SLC38A1: variants seen among roughly 807,000 people sequenced by gnomAD.
SLC38A1 encodes solute carrier family 38 member 1.
A neutral mutation model predicts 60.3 loss-of-function variants in SLC38A1; 18 were observed. The ratio of observed to expected loss-of-function variants is 0.30; its 90% CI spans 0.21 to 0.44. SLC38A1 has a LOEUF of 0.44. SLC38A1 is among the 20% of genes least tolerant of loss of function. The pLI is 1.00. For synonymous variants in SLC38A1, 196 were observed against 212.1 expected, an observed-to-expected ratio of 0.92 and a Z score of 0.66; for missense variants, 448 against 587.2, an observed-to-expected ratio of 0.76 and a Z score of 2.45.
rs370645948 is a variant in SLC38A1, at chr12:46,201,164, T to C, written c.937A>G (p.Ile313Val). The C allele has an allele frequency of 6.2e-7, 1 of 1,613,506 alleles. No individual in the cohort carries two copies. The highest frequency in any genetic ancestry group is 8.5e-7 in the Non-Finnish European group (1 of 1,179,730). The change falls in exon 13 of 17, where the codon ATC becomes GTC. Residue 313 changes from isoleucine to valine, a missense_variant. Around this residue, in one of 2 missense-constraint regions of SLC38A1, gnomAD observed 346 missense variants for 497.5 expected, o/e 0.70. Transcript: ENST00000398637. ...SQKKMQMVSN[I>V]SFFAMFVMYF... ...ATAACAAACATGGCGAAAAAGGAGA[T>C]GTTTGAAACCATCTGCATTTTTTTC...
At chr12:46,244,064 A>G (rs764632266) in intron 1 of SLC38A1, among the ~76,000 whole-genome samples, 8 of 152,210 alleles carry the variant, frequency 5.3e-5, no homozygotes, top group Non-Finnish European at 1.0e-4. Context: ...AAACAATTGC[A>G]TGATATAGAC....
intron 16 of SLC38A1, among the ~76,000 whole-genome samples, chr12:46,191,397 G>T (rs1939139690): frequency 6.6e-6 from 1 of 152,094 alleles, no homozygotes; most frequent in African/African-American, 2.4e-5. Flanking sequence ...TTTTGCATAG[G>T]ATTGTCTTGA....
chr12:46,217,975 T>G (rs923817586), intron 5 of SLC38A1, among the ~76,000 whole-genome samples: 3 of 152,338 alleles, frequency 2.0e-5, no homozygotes. Context: ...TAAATATGCA[T>G]TGCTGATGGC....
chr12:46,203,141 G>A (rs1939736734), intron 11 of SLC38A1, 52 bp from the exon 12 acceptor site: 7 of 1,419,860 alleles, frequency 4.9e-6, no homozygotes, highest in African/African-American at 1.4e-5. Flanking sequence ...ACCATAAAAA[G>A]GACATAGCTC....
At chr12:46,219,010 T>C (rs936433084) in intron 5 of SLC38A1, among the ~76,000 whole-genome samples, 1 of 152,194 alleles carries the variant, frequency 6.6e-6, no homozygotes. Flanking sequence ...AGGAGCAATT[T>C]GGGGAGGTTC....
chr12:46,239,598 C>T (rs1941374403), intron 3 of SLC38A1, 81 bp downstream of exon 3: 3 of 1,512,524 alleles, frequency 2.0e-6, no homozygotes, highest in African/African-American at 2.7e-5. Context: ...CCACCTCGGC[C>T]TCCCAAAGTG....
chr12:46,223,480 C>CACA (rs1565773441), intron 5 of SLC38A1, among the ~76,000 whole-genome samples: 1 of 142,328 alleles, frequency 7.0e-6, no homozygotes, highest in African/African-American at 2.9e-5. Flanking sequence ...ACACACACAC[C>CACA]CCACTCATTT....
chr12:46,256,147 C>T (rs1441261402), intron 1 of SLC38A1, among the ~76,000 whole-genome samples: 2 of 124,282 alleles, frequency 1.6e-5, no homozygotes, highest in African/African-American at 6.4e-5. Context: ...GCCTGGGCAA[C>T]AGAGAGAGGT....
At chr12:46,199,562 T>C (rs1939555693) in intron 13 of SLC38A1, among the ~76,000 whole-genome samples, 1 of 151,776 alleles carries the variant, frequency 6.6e-6, no homozygotes, top group Non-Finnish European at 1.5e-5. Flanking sequence ...TCTCATTATG[T>C]TGCCCAGGCT....
chr12:46,256,870 T>C (rs908943510), intron 1 of SLC38A1, among the ~76,000 whole-genome samples: 3 of 152,184 alleles, frequency 2.0e-5, no homozygotes, highest in African/African-American at 7.2e-5. Context: ...AATATCAAAC[T>C]GGCAAGGCTC....
chr12:46,253,996 T>G (rs1465159220), intron 1 of SLC38A1, among the ~76,000 whole-genome samples: 1 of 152,212 alleles, frequency 6.6e-6, no homozygotes, highest in Non-Finnish European at 1.5e-5. Flanking sequence ...AGTGTTCAAT[T>G]TAAGAAAACA....
intron 16 of SLC38A1, among the ~76,000 whole-genome samples, chr12:46,190,256 A>G (rs1043046156): frequency 2.6e-5 from 4 of 152,188 alleles, no homozygotes; most frequent in Non-Finnish European, 4.4e-5. Context: ...GTCCCTGCAA[A>G]GGACATGAAC....
chr12:46,225,053 A>G (rs1443314132), intron 5 of SLC38A1, among the ~76,000 whole-genome samples: 3 of 152,186 alleles, frequency 2.0e-5, no homozygotes, highest in Admixed American at 2.0e-4. Flanking sequence ...ATCCCAGTAA[A>G]AAGATTTTTT....
intron 1 of SLC38A1, among the ~76,000 whole-genome samples, chr12:46,258,987 C>A (rs1389873287): frequency 6.6e-6 from 1 of 152,060 alleles, no homozygotes; most frequent in Non-Finnish European, 1.5e-5. Context: ...GGATGCTCAA[C>A]CTGTAATATT....
chr12:46,255,377 A>T (rs1941986608), intron 1 of SLC38A1, among the ~76,000 whole-genome samples: 1 of 152,214 alleles, frequency 6.6e-6, no homozygotes, highest in African/African-American at 2.4e-5. Flanking sequence ...TTTTACTCCA[A>T]TGTCTAACTT....
chr12:46,263,990 C>A (rs1942278529), intron 1 of SLC38A1, among the ~76,000 whole-genome samples: 1 of 152,196 alleles, frequency 6.6e-6, no homozygotes, highest in African/African-American at 2.4e-5. Flanking sequence ...CAATGCATAT[C>A]AAAATCACCC....
At chr12:46,251,863 A>T (rs898450105) in intron 1 of SLC38A1, among the ~76,000 whole-genome samples, 5 of 152,180 alleles carry the variant, frequency 3.3e-5, no homozygotes, top group African/African-American at 1.2e-4. Context: ...GATGTGGAGA[A>T]ATAGGAATGC....
intron 1 of SLC38A1, among the ~76,000 whole-genome samples, chr12:46,250,430 G>A (rs1941795398): frequency 6.6e-6 from 1 of 152,192 alleles, no homozygotes; most frequent in African/African-American, 2.4e-5. Context: ...ACTGGCACAA[G>A]ACAGGGATGC....
chr12:46,228,746 C>T (rs1940960110), intron 5 of SLC38A1, among the ~76,000 whole-genome samples: 1 of 152,128 alleles, frequency 6.6e-6, no homozygotes, highest in African/African-American at 2.4e-5. Flanking sequence ...TTATTACAAA[C>T]AAATTTGTAA....
Sources: gnomAD v4.1 joint callset for allele counts (sites outside exome capture counted in the v4.1 genomes callset) on GRCh38, gnomAD v4.1.1 for gene constraint, gnomAD v4.1.1 regional missense constraint, MANE v1.5 for transcripts, NCBI Gene and HGNC (gene_info 2026-07-23, HGNC 2026-07-21) for gene names.